The following UBA6 variants were observed in gnomAD, a reference collection of about 807,000 sequenced individuals.
The protein encoded by UBA6 is ubiquitin-like modifier-activating enzyme 6.
Under a neutral mutation model 148.3 loss-of-function variants are expected in UBA6, and 87 were observed. The ratio of observed to expected loss-of-function variants is 0.59; its 90% CI spans 0.49 to 0.70. The LOEUF is 0.70. UBA6 is among the 30% of genes least tolerant of loss of function. UBA6 has a pLI of 0.00. For missense variants in UBA6, 1,186 were observed against 1,241.2 expected (o/e 0.96, Z 0.67); for synonymous variants, 376 against 401.0 (o/e 0.94, Z 0.75).
intron 13 of UBA6, among the ~76,000 whole-genome samples, chr4:67,650,724 C>A (rs1477731940): frequency 6.6e-6 from 1 of 152,026 alleles, no homozygotes; most frequent in Non-Finnish European, 1.5e-5. Context: ...GAGTGAAAGG[C>A]CTTATGGTAA....
chr4:67,692,672 A>G (rs1166117265), intron 2 of UBA6, among the ~76,000 whole-genome samples: 1 of 152,174 alleles, frequency 6.6e-6, no homozygotes, highest in Admixed American at 6.5e-5. Context: ...AGAACCCCAA[A>G]GTTCAACAAT....
intron 1 of UBA6, among the ~76,000 whole-genome samples, chr4:67,697,841 T>A (rs1241596954): frequency 6.6e-6 from 1 of 152,222 alleles, no homozygotes; most frequent in Admixed American, 6.5e-5. Context: ...TTATTCTCCA[T>A]AAAACAGTCT....
chr4:67,626,868 T>A (rs952908225), intron 27 of UBA6, among the ~76,000 whole-genome samples: 8 of 151,966 alleles, frequency 5.3e-5, no homozygotes, highest in African/African-American at 1.9e-4. Context: ...AGAATAAAAT[T>A]AGTATTAATC....
At position 67,613,839 on chromosome 4, in the gene UBA6, A is replaced by C. The variant is rs1269574526; in HGVS notation, c.*5158T>G. 6.6e-6 allele frequency: 1 copy of C among 152,210 alleles called. No homozygotes were observed. Among genetic ancestry groups the C allele is most frequent in the African/African-American group, 2.4e-5 (1 of 41,456 alleles). The allele number at this position is 152,210 out of a possible 1,614,324, so 9.4% of individuals were successfully genotyped here. On this transcript the variant is annotated 3_prime_UTR_variant, in exon 33 of 33. Coordinates refer to ENST00000322244, the MANE Select transcript of UBA6 (RefSeq NM_018227.6). ...TTTCCAATCTGACTCTGGCATAACA[A>C]GAAAGAAAATCAAAATATTTTACCC...
chr4:67,689,997 G>GA (rs1730658683), intron 2 of UBA6, among the ~76,000 whole-genome samples: 1 of 152,060 alleles, frequency 6.6e-6, no homozygotes, highest in African/African-American at 2.4e-5. Context: ...AGATGCTTTA[G>GA]GGCTAAGCAG....
chr4:67,636,040 C>A (rs971519703), intron 19 of UBA6, among the ~76,000 whole-genome samples: 39 of 151,968 alleles, frequency 2.6e-4, no homozygotes, highest in Non-Finnish European at 5.0e-4. Flanking sequence ...ATAAATTCTC[C>A]CCTGTTAATA....
intron 32 of UBA6, among the ~76,000 whole-genome samples, chr4:67,622,256 G>GA (rs1241273178): frequency 6.6e-6 from 1 of 152,192 alleles, no homozygotes; most frequent in African/African-American, 2.4e-5. Context: ...CTTAACAGGT[G>GA]AGACTATGAT....
In UBA6 at chr4:67,644,704, T is replaced by G. The variant is rs111297978; in HGVS notation, c.1470A>C (p.Lys490Asn). The G allele has an allele frequency of 6.3e-7, 1 of 1,588,134 alleles. No individual in the cohort carries two copies. ...TCAAGAATTGATATCTTACCATTCC[T>G]TTCTCTTTGCTTGTGCCAACACCAA... ...ALLGVGTSKE[K>N]GMITVTDPDL... The change falls in exon 17 of 33, where the codon AAA (lysine) becomes AAC (asparagine). Residue 490 changes from lysine to asparagine, a missense_variant. Coordinates refer to ENST00000322244, the MANE Select transcript of UBA6 (RefSeq NM_018227.6).
At chr4:67,695,983 A>G (rs1305125566) in intron 2 of UBA6, among the ~76,000 whole-genome samples, 1 of 152,204 alleles carries the variant, frequency 6.6e-6, no homozygotes, top group African/African-American at 2.4e-5. Flanking sequence ...CTATTCAATC[A>G]TACAATACTT....
intron 4 of UBA6, among the ~76,000 whole-genome samples, chr4:67,679,764 T>G (rs1730386004): frequency 6.6e-6 from 1 of 151,984 alleles, no homozygotes; most frequent in South Asian, 2.1e-4. Flanking sequence ...AATTAGAAAT[T>G]TTAGTAATAC....
Position 67,613,287 on chromosome 4 carries a change from G to A in UBA6, c.*5710C>T, listed in dbSNP as rs1289630073. On this transcript the variant is annotated 3_prime_UTR_variant, in exon 33 of 33. Coordinates refer to ENST00000322244, the MANE Select transcript of UBA6 (RefSeq NM_018227.6). ...ATTTCTAGTTTTTTCAAACAATATT[G>A]GTAAATAATTAAAGGTAACCAGGCA... is the stretch of plus-strand genomic sequence containing the variant. 1.4e-4 allele frequency: 21 copies of A among 152,132 alleles called. No homozygotes were observed. In the East Asian group the frequency reaches 1.7e-3, roughly 13 times the overall value. 9.4% of individuals were successfully genotyped at this position (152,132 alleles called of 1,614,324 possible).
At chr4:67,674,068 T>G (rs946650212) in intron 6 of UBA6, among the ~76,000 whole-genome samples, 1 of 152,218 alleles carries the variant, frequency 6.6e-6, no homozygotes, top group Non-Finnish European at 1.5e-5. Flanking sequence ...TTATGGACTC[T>G]AAGTGATTAG....
chr4:67,679,380 A>T (rs183512103), intron 4 of UBA6, among the ~76,000 whole-genome samples: 1 of 152,294 alleles, frequency 6.6e-6, no homozygotes, highest in East Asian at 1.9e-4. Context: ...TTGAATCATA[A>T]ATCTCACATA....
chr4:67,697,373 C>T (rs943566713), intron 1 of UBA6, among the ~76,000 whole-genome samples: 14 of 152,202 alleles, frequency 9.2e-5, no homozygotes, highest in African/African-American at 3.4e-4. Context: ...TCTATATATA[C>T]AGTCTTCCCA....
chr4:67,684,228 C>A (rs1157079922), intron 2 of UBA6, among the ~76,000 whole-genome samples: 2 of 152,126 alleles, frequency 1.3e-5, no homozygotes, highest in African/African-American at 4.8e-5. Flanking sequence ...CAGGGCTGGC[C>A]CTTGGTTGGC....
chr4:67,651,793 TA>T, intron 13 of UBA6, among the ~76,000 whole-genome samples: 1 of 151,874 alleles, frequency 6.6e-6, no homozygotes, highest in Non-Finnish European at 1.5e-5. Context: ...TATATATGGT[TA>T]AAAAAAACTG....
rs1288304615 is a variant in UBA6 at position 67,645,922 on chromosome 4, GA to G, written c.1395+15del. 1 of 1,501,692 alleles carries G rather than the reference GA, an allele frequency of 6.7e-7. No homozygotes were observed. The highest frequency in any genetic ancestry group is 9.1e-7 in the Non-Finnish European group (1 of 1,094,932). 93.0% of individuals were successfully genotyped at this position (1,501,692 alleles called of 1,614,324 possible). The stretch of plus-strand genomic sequence containing the variant: ...AGCAGTTTGAACATACTATTCCCAT[GA>G]TTATTGATACTTACTAAGAAGATGT... On this transcript the variant is annotated intron_variant, in intron 16 of 32. Transcript: ENST00000322244.
rs1319111080 is a variant in UBA6, at chr4:67,618,688, T to A, written c.*309A>T. The A allele has an allele frequency of 9.3e-6, 2 of 215,066 alleles. No individual in the cohort carries two copies. The highest frequency in any genetic ancestry group is 1.8e-5 in the Non-Finnish European group (2 of 109,742). The allele number at this position is 215,066 out of a possible 1,614,324, so 13.3% of individuals were successfully genotyped here. On this transcript the variant is annotated 3_prime_UTR_variant, in exon 33 of 33. Transcript: ENST00000322244. ...TCTTCATCCATATCTGTTCTGGTCA[T>A]ACATATTTTTTCCTTCTTTTTATCC... is the stretch of plus-strand genomic sequence containing the variant.
chr4:67,681,467 A>T, intron 4 of UBA6, 96 bp downstream of exon 4: 1 of 765,164 alleles, frequency 1.3e-6, no homozygotes, highest in Non-Finnish European at 2.1e-6. Context: ...AGCATTAAAG[A>T]CAATAATTAA....
Sources: gnomAD v4.1 joint callset for allele counts (sites outside exome capture counted in the v4.1 genomes callset) on GRCh38, gnomAD v4.1.1 for gene constraint, MANE v1.5 for transcripts, NCBI Gene and HGNC (gene_info 2026-07-23, HGNC 2026-07-21) for gene names.